The following SLC39A11 variants were observed in gnomAD, a reference collection of about 807,000 sequenced individuals.
SLC39A11 encodes the protein zinc transporter ZIP11.
A neutral mutation model predicts 36.1 loss-of-function variants in SLC39A11; 33 were observed. The observed-to-expected ratio is 0.91, with a 90% CI of 0.69 to 1.22. The LOEUF is 1.22. Among genes scored for constraint, SLC39A11 ranks in the 50% most tolerant of loss-of-function variants. The pLI is 0.00. For synonymous variants in SLC39A11, 166 were observed against 170.3 expected (o/e 0.97, Z 0.20); for missense variants, 432 against 430.3 (o/e 1.00, Z -0.03).
chr17:72,872,635 AG>A (rs1453996715), intron 5 of SLC39A11, among the ~76,000 whole-genome samples: 2 of 152,234 alleles, frequency 1.3e-5, no homozygotes, highest in African/African-American at 4.8e-5. Flanking sequence ...TAGCTACAGG[AG>A]GAAGTTAGTT....
At chr17:73,065,441 C>T (rs2059970474) in intron 3 of SLC39A11, among the ~76,000 whole-genome samples, 1 of 152,074 alleles carries the variant, frequency 6.6e-6, no homozygotes, top group Non-Finnish European at 1.5e-5. Flanking sequence ...AAAGGTAATA[C>T]AAGAGCAGGT....
At chr17:72,852,502 C>T (rs1357200400) in intron 5 of SLC39A11, among the ~76,000 whole-genome samples, 1 of 152,164 alleles carries the variant, frequency 6.6e-6, no homozygotes, top group Admixed American at 6.6e-5. Context: ...GCAACTCCTC[C>T]CAGACAGTAT....
intron 7 of SLC39A11, among the ~76,000 whole-genome samples, chr17:72,724,233 A>G (rs958708848): frequency 1.3e-5 from 2 of 152,152 alleles, no homozygotes; most frequent in Non-Finnish European, 2.9e-5. Flanking sequence ...AGGTTTGGAC[A>G]AGGACTCTGG....
At chr17:72,973,995 A>G (rs2087649275) in intron 4 of SLC39A11, among the ~76,000 whole-genome samples, 1 of 152,200 alleles carries the variant, frequency 6.6e-6, no homozygotes, top group Admixed American at 6.5e-5. Context: ...GGTGACATAT[A>G]AGACAGTGAT....
chr17:72,829,295 G>A (rs1567781570), intron 6 of SLC39A11, among the ~76,000 whole-genome samples: 1 of 151,310 alleles, frequency 6.6e-6, no homozygotes, highest in Non-Finnish European at 1.5e-5. Context: ...AGGTTGCAGT[G>A]AGCCATGATT....
chr17:73,001,574 AAAAAG>A (rs1239216122), intron 4 of SLC39A11, among the ~76,000 whole-genome samples: 1 of 152,162 alleles, frequency 6.6e-6, no homozygotes, highest in African/African-American at 2.4e-5. Context: ...AATAATAAAA[AAAAAG>A]AAAGAAAAAG....
At chr17:72,875,800 C>A (rs533128508) in intron 5 of SLC39A11, among the ~76,000 whole-genome samples, 1 of 152,068 alleles carries the variant, frequency 6.6e-6, no homozygotes, top group Non-Finnish European at 1.5e-5. Context: ...ATTCCAAAGG[C>A]GAGGCTCAGT....
At chr17:72,737,112 C>T (rs1485818846) in intron 6 of SLC39A11, among the ~76,000 whole-genome samples, 1 of 151,944 alleles carries the variant, frequency 6.6e-6, no homozygotes, top group Non-Finnish European at 1.5e-5. Flanking sequence ...CCCATCTCTA[C>T]TAAAAATACG....
At chr17:72,729,416 TA>T (rs2074072608) in intron 7 of SLC39A11, among the ~76,000 whole-genome samples, 1 of 2,220 alleles carries the variant, frequency 4.5e-4, no homozygotes, top group African/African-American at 1.4e-3. Context: ...TATATATATA[TA>T]TATATATATA....
intron 7 of SLC39A11, among the ~76,000 whole-genome samples, chr17:72,706,720 G>A (rs2072908282): frequency 2.0e-5 from 3 of 152,216 alleles, no homozygotes; most frequent in Non-Finnish European, 4.4e-5. Flanking sequence ...AGTCTCATGG[G>A]GAAGAAGGGG....
chr17:72,850,203 C>T (rs1400548509), intron 5 of SLC39A11, among the ~76,000 whole-genome samples: 1 of 152,198 alleles, frequency 6.6e-6, no homozygotes, highest in East Asian at 1.9e-4. Flanking sequence ...AATCCCAACA[C>T]TTCGGGAGGC....
chr17:72,860,801 G>A (rs7223623), intron 5 of SLC39A11, among the ~76,000 whole-genome samples: 51,600 of 152,078 alleles, frequency 0.34, 9,223 homozygotes, highest in East Asian at 0.7. Flanking sequence ...CTGTAAAGCA[G>A]CTGTTTTTCT....
At chr17:72,988,734 A>G (rs934610771) in intron 4 of SLC39A11, among the ~76,000 whole-genome samples, 6 of 151,922 alleles carry the variant, frequency 3.9e-5, no homozygotes, top group Admixed American at 3.3e-4. Context: ...TTTGAGATGG[A>G]GTCTCACTCT....
chr17:72,959,325 G>GTGTGTGTATATATATATATATA, intron 4 of SLC39A11, among the ~76,000 whole-genome samples: 1 of 65,546 alleles, frequency 1.5e-5, no homozygotes, highest in Admixed American at 1.9e-4. Flanking sequence ...GTGTGTGTGT[G>GTGTGTGTATATATATATATATA]TATATATATA....
intron 5 of SLC39A11, among the ~76,000 whole-genome samples, chr17:72,937,197 T>C (rs995841713): frequency 1.3e-4 from 20 of 152,284 alleles, no homozygotes; most frequent in Middle Eastern, 3.4e-3. Flanking sequence ...TCCCAGCACT[T>C]TGGGAGGCCG....
chr17:72,817,100 G>A (rs1309055690), intron 6 of SLC39A11, among the ~76,000 whole-genome samples: 1 of 92,744 alleles, frequency 1.1e-5, no homozygotes, highest in African/African-American at 4.2e-5. Context: ...TTGATATAAA[G>A]GAATACATAC....
chr17:73,069,883 G>C (rs1183442479), intron 3 of SLC39A11, among the ~76,000 whole-genome samples: 1 of 152,140 alleles, frequency 6.6e-6, no homozygotes, highest in African/African-American at 2.4e-5. Context: ...TTTCTAACAA[G>C]CTAGCTAAAC....
chr17:72,669,716 AG>A (rs2070909882), intron 7 of SLC39A11, among the ~76,000 whole-genome samples: 1 of 152,094 alleles, frequency 6.6e-6, no homozygotes, highest in Non-Finnish European at 1.5e-5. Flanking sequence ...AATATCAGCC[AG>A]GTGCGGTGGC....
chr17:72,761,918 C>T (rs1262699024), intron 6 of SLC39A11, among the ~76,000 whole-genome samples: 1 of 152,224 alleles, frequency 6.6e-6, no homozygotes, highest in Non-Finnish European at 1.5e-5. Context: ...AGGGAATCTA[C>T]TGCTGATCAG....
Sources: allele counts gnomAD v4.1 joint callset (sites outside exome capture counted in the v4.1 genomes callset), GRCh38; gene constraint gnomAD v4.1.1; transcripts MANE v1.5; gene names NCBI Gene and HGNC (gene_info 2026-07-23, HGNC 2026-07-21).